Variants in CYBRD1 observed in about 807,000 individuals in gnomAD.
CYBRD1 encodes plasma membrane ascorbate-dependent reductase CYBRD1.
Under a neutral mutation model 21.9 loss-of-function variants are expected in CYBRD1, and 14 were observed. That is an observed-to-expected ratio of 0.64 (90% confidence interval 0.42 to 1.00). The LOEUF is 1.00. CYBRD1 is among the 50% of genes least tolerant of loss of function. The probability of loss-of-function intolerance (pLI) is 0.00; values close to 1 mark genes in which losing one functional copy is unlikely to be tolerated. For missense variants in CYBRD1, 328 were observed against 352.5 expected, an observed-to-expected ratio of 0.93 and a Z score of 0.56; for synonymous variants, 146 against 136.5, an observed-to-expected ratio of 1.07 and a Z score of -0.48.
intron 2 of CYBRD1, among the ~76,000 whole-genome samples, chr2:171,549,237 C>T (rs1697764905): frequency 6.6e-6 from 1 of 152,104 alleles, no homozygotes; most frequent in South Asian, 2.1e-4. Flanking sequence ...GCCCATGCCA[C>T]CATACCTGGC....
At chr2:171,527,315 A>G (rs1412397042) in intron 1 of CYBRD1, among the ~76,000 whole-genome samples, 1 of 152,234 alleles carries the variant, frequency 6.6e-6, no homozygotes, top group East Asian at 1.9e-4. Context: ...AATGTTTTAG[A>G]TATGACTGTG....
At chr2:171,523,331 G>C in intron 1 of CYBRD1, 3 of 364,412 alleles carry the variant, frequency 8.2e-6, no homozygotes, top group Non-Finnish European at 1.7e-5. Flanking sequence ...GCTGGCCAAG[G>C]GGGGCGAGTG....
In CYBRD1 at chr2:171,541,723, ACAATATAGC is replaced by A; in HGVS notation, c.339_347del (p.Ile113_Asn115del). ...GCCGTGTTTGAGAACCACAATGTTA[ACAATATAGC>A]CAATATGTACAGTCTGCACAGCTGG... On this transcript the variant is annotated inframe_deletion, in exon 2 of 4. Transcript: ENST00000321348. The A allele has an allele frequency of 6.2e-7, 1 of 1,613,958 alleles. No homozygotes were observed. Among genetic ancestry groups the A allele is most frequent in the Non-Finnish European group, 8.5e-7 (1 of 1,180,006 alleles).
chr2:171,530,662 C>T lies in CYBRD1; in HGVS notation c.193+7924C>T, dbSNP rs540797372. Reference sequence around the variant, plus strand: ...AGGTTGCCAGGGCTTCTCATTCTCCCGAGAGAATCCAGGTTTTTAAAAAAT... The same window carrying T: ...AGGTTGCCAGGGCTTCTCATTCTCCTGAGAGAATCCAGGTTTTTAAAAAAT... On this transcript the variant is annotated intron_variant, in intron 1 of 3. Coordinates refer to ENST00000321348, the MANE Select transcript of CYBRD1 (RefSeq NM_024843.4). Among the ~76,000 whole-genome samples, 26 of 152,130 alleles carry T rather than the reference C, an allele frequency of 1.7e-4. No homozygotes were observed. In the South Asian group the frequency reaches 2.1e-3, roughly 12 times the overall value.
chr2:171,549,992 A>G (rs1052927816), intron 2 of CYBRD1, among the ~76,000 whole-genome samples: 2 of 152,238 alleles, frequency 1.3e-5, no homozygotes, highest in Non-Finnish European at 2.9e-5. Flanking sequence ...AAACTTCAAC[A>G]TACGTAAGAA....
At chr2:171,531,971 C>T (rs921597471) in intron 1 of CYBRD1, among the ~76,000 whole-genome samples, 1 of 152,158 alleles carries the variant, frequency 6.6e-6, no homozygotes, top group Non-Finnish European at 1.5e-5. Context: ...AAAATATCTT[C>T]CAAATCATCT....
At chr2:171,549,812 T>G (rs1264186988) in intron 2 of CYBRD1, among the ~76,000 whole-genome samples, 1 of 152,264 alleles carries the variant, frequency 6.6e-6, no homozygotes, top group East Asian at 1.9e-4. Context: ...CAGCTTCCTG[T>G]AGGTGATGAT....
At chr2:171,539,492 G>A (rs62181677) in intron 1 of CYBRD1, among the ~76,000 whole-genome samples, 13,389 of 152,032 alleles carry the variant, frequency 0.088, 718 homozygotes, top group Middle Eastern at 0.17. Context: ...AGAAATATAC[G>A]TGATACCCTG....
Position 171,555,401 on chromosome 2 carries a change from T to C in CYBRD1, c.*574T>C. The C allele has an allele frequency of 6.3e-6, 1 of 158,876 alleles. No homozygotes were observed. Among genetic ancestry groups the C allele is most frequent in the Non-Finnish European group, 1.4e-5 (1 of 72,316 alleles). The allele number at this position is 158,876 out of a possible 1,614,324, so 9.8% of individuals were successfully genotyped here. Reference sequence around the variant, plus strand: ...CCTCCCCAGCTGGTTTGGGCTCAAATTGTCCCTGGAGACTAGGGTTTATGT... The same window carrying C: ...CCTCCCCAGCTGGTTTGGGCTCAAACTGTCCCTGGAGACTAGGGTTTATGT... On this transcript the variant is annotated 3_prime_UTR_variant, in exon 4 of 4. Transcript: ENST00000321348.
Position 171,529,588 on chromosome 2 carries a change from C to A in CYBRD1, c.193+6850C>A, listed in dbSNP as rs115879616. Among the ~76,000 whole-genome samples the A allele has an allele frequency of 5.9e-3, 873 of 148,664 alleles. 15 individuals carry two copies. The highest frequency in any genetic ancestry group is 6.0e-3 in the Non-Finnish European group (404 of 67,328). ...GAGACTATTAAGACCATACTGAACA[C>A]CAGTCTACTCAGAAGGATGTAGGAC... On this transcript the variant is annotated intron_variant, in intron 1 of 3. Transcript: ENST00000321348.
intron 2 of CYBRD1, among the ~76,000 whole-genome samples, chr2:171,552,587 C>A (rs1683398380): frequency 6.6e-6 from 1 of 152,144 alleles, no homozygotes; most frequent in African/African-American, 2.4e-5. Flanking sequence ...CTCAGTAATT[C>A]AGTAACCACA....
chr2:171,529,491 A>G (rs1697432040), intron 1 of CYBRD1, among the ~76,000 whole-genome samples: 1 of 134,540 alleles, frequency 7.4e-6, no homozygotes, highest in South Asian at 2.5e-4. Context: ...AGATCATGCC[A>G]TTGCACTCCA....
At chr2:171,551,993 CT>C (rs1163465392) in intron 2 of CYBRD1, among the ~76,000 whole-genome samples, 1 of 151,902 alleles carries the variant, frequency 6.6e-6, no homozygotes, top group African/African-American at 2.4e-5. Flanking sequence ...CAGAAAAATG[CT>C]GAATAGGAAT....
rs1574441741 is a variant in CYBRD1, at chr2:171,545,674, C to A, written c.402+3881C>A. Among the ~76,000 whole-genome samples, 3 of 151,504 alleles carry A rather than the reference C, an allele frequency of 2.0e-5. No homozygotes were observed. In the South Asian group the frequency reaches 6.2e-4, roughly 31 times the overall value. ...AAAGTGCTGGGATTACAGGTGTGAA[C>A]CATCACGTCCGGCCAATGTTTATTT... is the stretch of plus-strand genomic sequence containing the variant. On this transcript the variant is annotated intron_variant, in intron 2 of 3. Transcript: ENST00000321348.
intron 1 of CYBRD1, among the ~76,000 whole-genome samples, chr2:171,524,094 C>T (rs747634945): frequency 3.9e-5 from 6 of 152,288 alleles, no homozygotes; most frequent in Non-Finnish European, 7.3e-5. Flanking sequence ...TGTACTGCAG[C>T]TTTGGCAAGT....
chr2:171,552,083 G>T (rs1448627635), intron 2 of CYBRD1, among the ~76,000 whole-genome samples: 1 of 152,130 alleles, frequency 6.6e-6, no homozygotes, highest in East Asian at 1.9e-4. Flanking sequence ...AATGCCTATA[G>T]ACCATAAGCA....
At chr2:171,539,680 C>G (rs1697599340) in intron 1 of CYBRD1, 1 of 151,790 alleles carries the variant, frequency 6.6e-6, no homozygotes, top group African/African-American at 2.4e-5. Context: ...TAATTTATTG[C>G]TTAAACCAGG....
At position 171,541,732 on chromosome 2, in the gene CYBRD1, C is replaced by T. The variant is rs1697635558; in HGVS notation, c.341C>T (p.Ala114Val). 8 of 1,613,588 alleles carry T rather than the reference C, an allele frequency of 5.0e-6. No homozygotes were observed. The highest frequency in any genetic ancestry group is 1.1e-5 in the South Asian group (1 of 91,056). ...GAGAACCACAATGTTAACAATATAG[C>T]CAATATGTACAGTCTGCACAGCTGG... ...VFENHNVNNI[A>V]NMYSLHSWVG... is the part of the protein sequence containing the mutation. Residue 114 changes from alanine (A) to valine (V), a missense_variant, in exon 2 of 4, where the codon GCC becomes GTC. By Grantham distance (64) the Ala-to-Val change is moderately conservative. Transcript: ENST00000321348.
At chr2:171,547,618 C>T (rs1215109571) in intron 2 of CYBRD1, among the ~76,000 whole-genome samples, 2 of 152,070 alleles carry the variant, frequency 1.3e-5, no homozygotes, top group African/African-American at 4.8e-5. Flanking sequence ...AGGACATAAT[C>T]TCCAATGTAA....
Sources: gnomAD v4.1 joint callset for allele counts (sites outside exome capture counted in the v4.1 genomes callset) on GRCh38, gnomAD v4.1.1 for gene constraint, MANE v1.5 for transcripts, NCBI Gene and HGNC (gene_info 2026-07-23, HGNC 2026-07-21) for gene names.